The following ZFPM2 variants were observed in gnomAD, a reference collection of about 807,000 sequenced individuals.
ZFPM2 encodes the protein zinc finger protein ZFPM2.
ZFPM2 carries 20 observed loss-of-function variants against 98.6 expected under a neutral mutation model. The observed-to-expected ratio is 0.20, with a 90% CI of 0.14 to 0.29. The LOEUF (loss-of-function observed/expected upper bound fraction) is 0.29. Among genes scored for constraint, ZFPM2 ranks in the 10% least tolerant of loss-of-function variants. The pLI is 1.00. For missense variants in ZFPM2, 1,310 were observed against 1,388.6 expected, an observed-to-expected ratio of 0.94 and a Z score of 0.90; for synonymous variants, 518 against 502.7, an observed-to-expected ratio of 1.03 and a Z score of -0.41.
chr8:105,444,412 T>C, intron 3 of ZFPM2, 31 bp downstream of exon 3: 2 of 1,510,910 alleles, frequency 1.3e-6, no homozygotes, highest in Non-Finnish European at 1.8e-6. Context: ...TTCAACCGTC[T>C]TTAGTACTGT....
chr8:105,606,108 A>G (rs1427861784), intron 4 of ZFPM2, among the ~76,000 whole-genome samples: 1 of 152,082 alleles, frequency 6.6e-6, no homozygotes, highest in Non-Finnish European at 1.5e-5. Flanking sequence ...TTTTATTTAT[A>G]TTTCAAATAA....
intron 3 of ZFPM2, among the ~76,000 whole-genome samples, chr8:105,509,298 A>AGG: frequency 6.6e-6 from 1 of 152,210 alleles, no homozygotes; most frequent in East Asian, 1.9e-4. Context: ...CATACCTTGG[A>AGG]GGGTAAGCTT....
intron 3 of ZFPM2, among the ~76,000 whole-genome samples, chr8:105,445,446 C>T (rs1812346973): frequency 6.6e-6 from 1 of 151,692 alleles, no homozygotes; most frequent in African/African-American, 2.4e-5. Context: ...AAAATATAGC[C>T]TTCTGGCATT....
Position 105,803,790 on chromosome 8 carries a change from A to ACTT in ZFPM2, c.*253_*255dup, listed in dbSNP as rs1814122661. The ACTT allele has an allele frequency of 2.3e-6, 1 of 433,282 alleles. No homozygotes were observed. The highest frequency in any genetic ancestry group is 4.2e-5 in the East Asian group (1 of 23,848). 26.8% of individuals were successfully genotyped at this position (433,282 alleles called of 1,614,324 possible). A position where few individuals can be genotyped will look rare whatever the true frequency, so the allele number is the denominator to read the frequency against. ...TGGTTATGTTATTTTTTATTTAAAA[A>ACTT]CTTTATATTAAAGTCATTTGTAATG... On this transcript the variant is annotated 3_prime_UTR_variant, in exon 8 of 8. Coordinates refer to ENST00000407775, the MANE Select transcript of ZFPM2 (RefSeq NM_012082.4).
chr8:105,490,122 C>G (rs1366421042), intron 3 of ZFPM2, among the ~76,000 whole-genome samples: 4 of 152,036 alleles, frequency 2.6e-5, no homozygotes, highest in African/African-American at 9.7e-5. Context: ...TGGCGGGCAC[C>G]TGTAATCCCA....
At chr8:105,773,266 A>C (rs530578041) in intron 5 of ZFPM2, among the ~76,000 whole-genome samples, 1 of 152,176 alleles carries the variant, frequency 6.6e-6, no homozygotes, top group African/African-American at 2.4e-5. Context: ...TGTACTATAA[A>C]TAGCCCTTAT....
At chr8:105,688,743 A>G (rs1810805622) in intron 5 of ZFPM2, among the ~76,000 whole-genome samples, 1 of 152,130 alleles carries the variant, frequency 6.6e-6, no homozygotes, top group South Asian at 2.1e-4. Flanking sequence ...TTGAATAGAC[A>G]TTATTTTCAA....
chr8:105,787,948 C>T (rs1396940807), intron 5 of ZFPM2, among the ~76,000 whole-genome samples: 1 of 152,148 alleles, frequency 6.6e-6, no homozygotes, highest in African/African-American at 2.4e-5. Context: ...AACATGTGAT[C>T]GTTGACATGC....
chr8:105,381,228 C>T (rs1288882088), intron 1 of ZFPM2, among the ~76,000 whole-genome samples: 7 of 151,584 alleles, frequency 4.6e-5, no homozygotes, highest in African/African-American at 1.7e-4. Flanking sequence ...TTTCTAGCTT[C>T]ATCCTTGTCC....
intron 3 of ZFPM2, among the ~76,000 whole-genome samples, chr8:105,554,748 G>T (rs765567802): frequency 6.6e-6 from 1 of 152,032 alleles, no homozygotes; most frequent in Non-Finnish European, 1.5e-5. Context: ...GTTAAGGGTC[G>T]TTCTGTAATT....
intron 1 of ZFPM2, among the ~76,000 whole-genome samples, chr8:105,362,474 G>C (rs1810424278): frequency 2.0e-5 from 3 of 151,378 alleles, no homozygotes; most frequent in Admixed American, 2.0e-4. Flanking sequence ...CTGAGATGCT[G>C]TGATGATAGC....
chr8:105,450,295 T>G (rs577595126), intron 3 of ZFPM2, among the ~76,000 whole-genome samples: 9 of 152,248 alleles, frequency 5.9e-5, no homozygotes, highest in African/African-American at 2.2e-4. Flanking sequence ...ATACAGCTTT[T>G]TCCCCCTCTT....
chr8:105,737,356 C>T (rs1375687033), intron 5 of ZFPM2: 1 of 153,284 alleles, frequency 6.5e-6, no homozygotes, highest in East Asian at 2.0e-4. Flanking sequence ...GCATTGCAGC[C>T]CACAGACTGG....
intron 3 of ZFPM2, among the ~76,000 whole-genome samples, chr8:105,516,293 A>C (rs867088169): frequency 1.3e-5 from 2 of 152,156 alleles, no homozygotes; most frequent in African/African-American, 4.8e-5. Context: ...GCAGGCAGTC[A>C]ATTTGTCTTA....
chr8:105,518,841 G>A (rs1004051002), intron 3 of ZFPM2, among the ~76,000 whole-genome samples: 2 of 152,142 alleles, frequency 1.3e-5, no homozygotes, highest in African/African-American at 4.8e-5. Context: ...CAATTTTAAG[G>A]AAAGTTGTAG....
intron 3 of ZFPM2, among the ~76,000 whole-genome samples, chr8:105,514,352 A>G (rs538789127): frequency 1.0e-3 from 147 of 147,260 alleles, no homozygotes; most frequent in Non-Finnish European, 1.7e-3. Context: ...AGGGAGCCAG[A>G]TAGGCCTTAA....
At chr8:105,535,872 G>T (rs1162461355) in intron 3 of ZFPM2, among the ~76,000 whole-genome samples, 1 of 152,090 alleles carries the variant, frequency 6.6e-6, no homozygotes, top group African/African-American at 2.4e-5. Flanking sequence ...CTTTGTGACT[G>T]TTTTTAAAAT....
chr8:105,619,407 A>C (rs1329964193), intron 4 of ZFPM2, among the ~76,000 whole-genome samples: 1 of 152,118 alleles, frequency 6.6e-6, no homozygotes, highest in Non-Finnish European at 1.5e-5. Flanking sequence ...TCTTGAAGAA[A>C]TGTAACTCAT....
chr8:105,435,143 C>T (rs1165789562), intron 2 of ZFPM2, among the ~76,000 whole-genome samples: 1 of 152,150 alleles, frequency 6.6e-6, no homozygotes, highest in Non-Finnish European at 1.5e-5. Flanking sequence ...CCTTCAATTT[C>T]CTCCTATAGG....
Sources: allele counts gnomAD v4.1 joint callset (sites outside exome capture counted in the v4.1 genomes callset), GRCh38; gene constraint gnomAD v4.1.1; transcripts MANE v1.5; gene names NCBI Gene and HGNC (gene_info 2026-07-23, HGNC 2026-07-21).